Variants in TRIM9 observed in about 807,000 individuals in gnomAD.
TRIM9 encodes the protein E3 ubiquitin-protein ligase TRIM9.
Under a neutral mutation model 78.3 loss-of-function variants are expected in TRIM9, and 26 were observed. The ratio of observed to expected loss-of-function variants is 0.33; its 90% CI spans 0.24 to 0.46. The LOEUF (loss-of-function observed/expected upper bound fraction) is 0.46. Among genes scored for constraint, TRIM9 ranks in the 20% least tolerant of loss-of-function variants. The probability of loss-of-function intolerance (pLI) is 1.00; values close to 1 mark genes in which losing one functional copy is unlikely to be tolerated. For synonymous variants in TRIM9, 398 were observed against 416.5 expected, an observed-to-expected ratio of 0.96 and a Z score of 0.54; for missense variants, 787 against 1,036.4, an observed-to-expected ratio of 0.76 and a Z score of 3.30.
chr14:51,046,926 A>C (rs924546214), intron 1 of TRIM9, among the ~76,000 whole-genome samples: 1 of 152,222 alleles, frequency 6.6e-6, no homozygotes, highest in Non-Finnish European at 1.5e-5. Flanking sequence ...GAACATTATA[A>C]AGTTTGAAAC....
intron 1 of TRIM9, among the ~76,000 whole-genome samples, chr14:51,063,201 A>G (rs2061482885): frequency 1.3e-5 from 2 of 152,182 alleles, no homozygotes; most frequent in Admixed American, 1.3e-4. Flanking sequence ...ACAGAAAAGT[A>G]TATTTATAAT....
chr14:50,992,668 C>A (rs2053673191), intron 7 of TRIM9, among the ~76,000 whole-genome samples: 1 of 152,108 alleles, frequency 6.6e-6, no homozygotes, highest in African/African-American at 2.4e-5. Context: ...TGCATTCAGA[C>A]AAATGGAAGC....
chr14:51,047,430 AG>A (rs1231294247), intron 1 of TRIM9, among the ~76,000 whole-genome samples: 1 of 152,186 alleles, frequency 6.6e-6, no homozygotes. Flanking sequence ...GTGACTTTTG[AG>A]GAATGAACAC....
intron 8 of TRIM9, among the ~76,000 whole-genome samples, chr14:50,985,559 A>G (rs181629574): frequency 4.9e-4 from 75 of 152,260 alleles, no homozygotes; most frequent in Non-Finnish European, 9.4e-4. Context: ...AGTCTCCCAG[A>G]CACTGCTGGT....
intron 3 of TRIM9, among the ~76,000 whole-genome samples, chr14:51,022,563 T>C (rs1282914354): frequency 2.6e-5 from 4 of 152,212 alleles, no homozygotes; most frequent in Non-Finnish European, 5.9e-5. Context: ...ATAAGTCCCA[T>C]GAAGGCAAGA....
chr14:51,071,930 G>A (rs1238595631), intron 1 of TRIM9, among the ~76,000 whole-genome samples: 1 of 152,216 alleles, frequency 6.6e-6, no homozygotes, highest in Non-Finnish European at 1.5e-5. Flanking sequence ...AGAGAGGGGT[G>A]GTGAGGTGCT....
At position 50,976,935 on chromosome 14, in the gene TRIM9, A is replaced by T. The variant is rs893541724; in HGVS notation, c.*356T>A. 1.1e-4 allele frequency: 18 copies of T among 169,980 alleles called. No homozygotes were observed. The highest frequency in any genetic ancestry group is 4.3e-4 in the African/African-American group (18 of 42,226). 10.5% of individuals were successfully genotyped at this position (169,980 alleles called of 1,614,324 possible). A position where few individuals can be genotyped will look rare whatever the true frequency, so the allele number is the denominator to read the frequency against. ...AATTTTCTCCTGGCGGTGCCAGTCC[A>T]GTAAGTCACCAATAACCTGATCAGA... On this transcript the variant is annotated 3_prime_UTR_variant, in exon 13 of 13. Coordinates refer to ENST00000684578, the MANE Select transcript of TRIM9 (RefSeq NM_001387360.1).
At position 50,998,207 on chromosome 14, in the gene TRIM9, C is replaced by A. The variant is rs1280205448; in HGVS notation, c.1465-19G>T. The A allele has an allele frequency of 4.3e-6, 7 of 1,612,908 alleles. No individual in the cohort carries two copies. Among genetic ancestry groups the A allele is most frequent in the Non-Finnish European group, 5.1e-6 (6 of 1,179,032 alleles). On this transcript the variant is annotated intron_variant, in intron 6 of 12. Coordinates refer to ENST00000684578, the MANE Select transcript of TRIM9 (RefSeq NM_001387360.1). ...ACACCTCCTGAGAGTCAGCAAAGAACAGGACAGCACTTAGCCTGCCCCCTT... is the reference window on the plus strand; with the variant it reads ...ACACCTCCTGAGAGTCAGCAAAGAAAAGGACAGCACTTAGCCTGCCCCCTT...
chr14:51,043,204 A>T lies in TRIM9; in HGVS notation c.823-17844T>A, dbSNP rs2059698202. 1.3e-5 allele frequency among the ~76,000 whole-genome samples: 2 copies of T among 152,210 alleles called. 1 individual carries two copies. Among genetic ancestry groups the T allele is most frequent in the South Asian group, 4.1e-4 (2 of 4,828 alleles). ...TGAATGACAGAACTCAGATATGCTA[A>T]TGGATAATTAACTGGAGTTATGTAT... On this transcript the variant is annotated intron_variant, in intron 1 of 12. Transcript: ENST00000684578.
intron 7 of TRIM9, among the ~76,000 whole-genome samples, chr14:50,990,396 G>A (rs956846419): frequency 3.9e-5 from 6 of 152,238 alleles, no homozygotes; most frequent in South Asian, 2.1e-4. Context: ...GAATTGAGCC[G>A]TTGGGAAACA....
chr14:51,014,813 G>A lies in TRIM9; in HGVS notation c.1042-4319C>T, dbSNP rs546863185. Among the ~76,000 whole-genome samples, 179 of 152,158 alleles carry A rather than the reference G, an allele frequency of 1.2e-3. 2 individuals carry two copies. Among genetic ancestry groups the A allele is most frequent in the African/African-American group, 3.4e-3 (142 of 41,474 alleles). On this transcript the variant is annotated intron_variant, in intron 3 of 12. Transcript: ENST00000684578. ...TGTTGTCTTTGAATGACACATTTCC[G>A]TGCTTTGGCTCTGATGTGCCAGAGA...
chr14:50,995,464 G>A (rs1452726096), intron 7 of TRIM9, among the ~76,000 whole-genome samples: 7 of 151,998 alleles, frequency 4.6e-5, no homozygotes, highest in Non-Finnish European at 5.9e-5. Context: ...ATTTGCTTTC[G>A]AAGAAAAAAC....
At chr14:50,999,453 TA>T (rs1328211029) in intron 6 of TRIM9, among the ~76,000 whole-genome samples, 18 of 152,124 alleles carry the variant, frequency 1.2e-4, no homozygotes, top group Non-Finnish European at 5.9e-5. Flanking sequence ...AATTAGATTT[TA>T]TCATGCCAAT....
At chr14:50,981,765 C>T (rs377420900) in intron 11 of TRIM9, 35 bp downstream of exon 11, 35 of 1,610,704 alleles carry the variant, frequency 2.2e-5, no homozygotes, top group Admixed American at 3.3e-5. Flanking sequence ...CAGAAGCCAA[C>T]GTGAAGAAGG....
intron 2 of TRIM9, among the ~76,000 whole-genome samples, chr14:51,024,838 G>A (rs2058072758): frequency 6.6e-6 from 1 of 151,918 alleles, no homozygotes; most frequent in Non-Finnish European, 1.5e-5. Context: ...AAAAAAGGAA[G>A]GCAGGAAGGA....
intron 1 of TRIM9, among the ~76,000 whole-genome samples, chr14:51,036,080 C>A (rs1318137291): frequency 6.6e-6 from 1 of 152,176 alleles, no homozygotes; most frequent in Non-Finnish European, 1.5e-5. Flanking sequence ...CCCCAAGAAA[C>A]GATGAATATT....
chr14:51,009,379 C>T, intron 4 of TRIM9, 146 bp from the exon 5 acceptor site: 3 of 915,200 alleles, frequency 3.3e-6, no homozygotes, highest in Non-Finnish European at 4.9e-6. Context: ...GTGAGGAACA[C>T]CCCATTAGGA....
At chr14:51,009,437 T>A (rs751721957) in intron 4 of TRIM9, among the ~76,000 whole-genome samples, 1 of 152,106 alleles carries the variant, frequency 6.6e-6, no homozygotes, top group Non-Finnish European at 1.5e-5. Flanking sequence ...CTTTTGTGAG[T>A]TGGGGGGCAC....
intron 1 of TRIM9, among the ~76,000 whole-genome samples, chr14:51,026,178 A>G (rs1411666757): frequency 2.0e-5 from 3 of 152,100 alleles, no homozygotes; most frequent in African/African-American, 7.2e-5. Context: ...GCTGATACGG[A>G]ACCACTGTGA....
Sources: allele counts gnomAD v4.1 joint callset (sites outside exome capture counted in the v4.1 genomes callset), GRCh38; gene constraint gnomAD v4.1.1; transcripts MANE v1.5; gene names NCBI Gene and HGNC (gene_info 2026-07-23, HGNC 2026-07-21).